DHX57: variants seen among roughly 807,000 people sequenced by gnomAD.
DHX57 encodes putative ATP-dependent RNA helicase DHX57.
In DHX57, 105 loss-of-function variants were observed where a neutral mutation model predicts 156.2. The ratio of observed to expected loss-of-function variants is 0.67; its 90% CI spans 0.57 to 0.79. DHX57 has a LOEUF of 0.79. Ranked by LOEUF, DHX57 falls within the 30% of genes least tolerant of loss-of-function variation. DHX57 has a pLI of 0.00. For synonymous variants in DHX57, 704 were observed against 595.6 expected (o/e 1.18, Z -2.65); for missense variants, 1,847 against 1,661.9 (o/e 1.11, Z -1.94).
intron 2 of DHX57, among the ~76,000 whole-genome samples, chr2:38,866,745 AT>A (rs1665093147): frequency 6.6e-6 from 1 of 152,182 alleles, no homozygotes; most frequent in African/African-American, 2.4e-5. Context: ...TTGAAAAACT[AT>A]GGAGCTGCAG....
At position 38,839,788 on chromosome 2, in the gene DHX57, G is replaced by T. The variant is rs376793761; in HGVS notation, c.2426-1841C>A. On this transcript the variant is annotated intron_variant, in intron 12 of 23. Coordinates refer to ENST00000457308, the MANE Select transcript of DHX57 (RefSeq NM_198963.3). ...AATGAATACCATGTTGGTCAAAAAT[G>T]AAAAAAAGGAAGCAACAGGCTGCAC... is the stretch of plus-strand genomic sequence containing the variant. Among the ~76,000 whole-genome samples, 130 of 151,782 alleles carry T rather than the reference G, an allele frequency of 8.6e-4. 1 individual carries two copies. The South Asian group carries it at 0.026, about 31-fold the overall frequency.
At chr2:38,830,857 G>A (rs1671342696) in intron 13 of DHX57, among the ~76,000 whole-genome samples, 1 of 152,086 alleles carries the variant, frequency 6.6e-6, no homozygotes, top group South Asian at 2.1e-4. Flanking sequence ...ACTTTGAGAG[G>A]CTGAAGTGGG....
At chr2:38,834,951 T>A (rs1671576989) in intron 13 of DHX57, among the ~76,000 whole-genome samples, 1 of 152,106 alleles carries the variant, frequency 6.6e-6, no homozygotes, top group Non-Finnish European at 1.5e-5. Context: ...CCTGTATGAG[T>A]CAAGAAAAAG....
chr2:38,866,443 G>A (rs972509304), intron 2 of DHX57, among the ~76,000 whole-genome samples: 3 of 152,074 alleles, frequency 2.0e-5, no homozygotes, highest in Non-Finnish European at 4.4e-5. Flanking sequence ...CTCTCTTCAC[G>A]TGATACCTTA....
chr2:38,828,722 CA>C (rs775943686), intron 13 of DHX57, among the ~76,000 whole-genome samples: 3,439 of 99,996 alleles, frequency 0.034, 40 homozygotes, highest in Non-Finnish European at 0.043. Flanking sequence ...GACCCTTTCT[CA>C]AAAAAAAAAA....
chr2:38,803,194 T>G (rs967287915), intron 22 of DHX57, among the ~76,000 whole-genome samples: 2 of 152,050 alleles, frequency 1.3e-5, no homozygotes, highest in Non-Finnish European at 2.9e-5. Flanking sequence ...CCCAGGCTGG[T>G]CTCGAACTCC....
chr2:38,826,533 C>T lies in DHX57; in HGVS notation c.2796G>A (p.Gly932=), dbSNP rs150129520. The change falls in exon 15 of 24, where the codon GGG becomes GGA. Residue 932 remains glycine, a synonymous_variant. Coordinates refer to ENST00000457308, the MANE Select transcript of DHX57 (RefSeq NM_198963.3). The part of the protein sequence containing the change: ...IDDVVYVIDS[G]KMKEKRYDAS... ...CGGAATACCTCTTTTCTTTCATTTT[C>T]CCAGAATCGATAACATAGACAACAT... The T allele has an allele frequency of 1.9e-5, 30 of 1,613,708 alleles. No homozygotes were observed. The South Asian group carries it at 2.5e-4, about 14-fold the overall frequency.
In DHX57 at chr2:38,834,732, G is replaced by A. The variant is rs562547871; in HGVS notation, c.2542+3099C>T. 3.3e-5 allele frequency among the ~76,000 whole-genome samples: 5 copies of A among 152,230 alleles called. No individual in the cohort carries two copies. In the East Asian group the frequency reaches 5.8e-4, roughly 18 times the overall value. On this transcript the variant is annotated intron_variant, in intron 13 of 23. Coordinates refer to ENST00000457308, the MANE Select transcript of DHX57 (RefSeq NM_198963.3). ...AAAGGTGAATTGCTCAATATGTTCC[G>A]CAGATGGAGGTCTATAACCGTGGTT...
rs1456605244 is a variant in DHX57 at position 38,862,148 on chromosome 2, G to A, written c.569C>T (p.Ser190Phe). 6.3e-7 allele frequency: 1 copy of A among 1,590,582 alleles called. No homozygotes were observed. The highest frequency in any genetic ancestry group is 1.8e-5 in the Admixed American group (1 of 56,314). The stretch of plus-strand genomic sequence containing the variant: ...CATAAATGATCAAAGCAATCACCTG[G>A]AAAGTTTTTGCACTGCAAATGGGGA... Reference protein sequence around the residue: ...TVSPFAVQKLSRYGFNTERCQ... With the variant: ...TVSPFAVQKLFRYGFNTERCQ... The change falls in exon 4 of 24, where the codon TCC becomes TTC. Residue 190 changes from serine to phenylalanine, a missense_variant. Transcript: ENST00000457308.
At chr2:38,840,017 G>A (rs927077948) in intron 12 of DHX57, among the ~76,000 whole-genome samples, 1 of 152,116 alleles carries the variant, frequency 6.6e-6, no homozygotes, top group African/African-American at 2.4e-5. Flanking sequence ...CGTGATCATG[G>A]CTTACTGCAG....
intron 1 of DHX57, among the ~76,000 whole-genome samples, chr2:38,870,858 G>A (rs1312528845): frequency 2.6e-5 from 4 of 151,030 alleles, no homozygotes; most frequent in Non-Finnish European, 1.5e-5. Context: ...CAGCCTGGGT[G>A]ACAGAGTGAG....
rs1375276377 is a variant in DHX57, at chr2:38,856,863, G to T, written c.1588-402C>A. On this transcript the variant is annotated intron_variant, in intron 6 of 23. Transcript: ENST00000457308. The stretch of plus-strand genomic sequence containing the variant: ...CACTCCTGGCCTTGAGTGATCCTTT[G>T]TTGGATTTGTTGGGATTGGATGTAG... 61 of 153,888 alleles carry T rather than the reference G, an allele frequency of 4.0e-4. 1 individual carries two copies. The highest frequency in any genetic ancestry group is 3.9e-3 in the Admixed American group (61 of 15,544). The allele number at this position is 153,888 out of a possible 1,614,324, so 9.5% of individuals were successfully genotyped here.
chr2:38,812,340 G>C (rs1444593352), intron 21 of DHX57, among the ~76,000 whole-genome samples: 1 of 152,176 alleles, frequency 6.6e-6, no homozygotes, highest in Non-Finnish European at 1.5e-5. Context: ...AAATCAGTCA[G>C]ATGTTAACTG....
chr2:38,874,383 G>T (rs1023275033), intron 1 of DHX57, among the ~76,000 whole-genome samples: 10 of 148,692 alleles, frequency 6.7e-5, no homozygotes, highest in African/African-American at 2.5e-4. Context: ...GAGCCACTGT[G>T]CCTAGTTGAA....
At chr2:38,802,974 C>A (rs1447265174) in intron 22 of DHX57, 59 bp from the exon 23 acceptor site, 5 of 1,579,170 alleles carry the variant, frequency 3.2e-6, no homozygotes, top group Non-Finnish European at 4.3e-6. Context: ...AAGGGAACAA[C>A]CCCCCAGTCC....
At chr2:38,821,003 A>G (rs1398614231) in intron 17 of DHX57, among the ~76,000 whole-genome samples, 1 of 152,126 alleles carries the variant, frequency 6.6e-6, no homozygotes, top group Non-Finnish European at 1.5e-5. Flanking sequence ...AATACATTTT[A>G]AAGAGGATTG....
chr2:38,862,166 A>G lies in DHX57; in HGVS notation c.551T>C (p.Phe184Ser). Reference protein sequence around the residue: ...PYVPEFTVSPFAVQKLSRYGF... With the variant: ...PYVPEFTVSPSAVQKLSRYGF... Reference sequence around the variant, plus strand: ...TCACCTGGAAAGTTTTTGCACTGCAAATGGGGAGACTGTAAATTCTGGAAC... The same window carrying G: ...TCACCTGGAAAGTTTTTGCACTGCAGATGGGGAGACTGTAAATTCTGGAAC... Residue 184 changes from phenylalanine to serine, a missense_variant, in exon 4 of 24, where the codon TTT (phenylalanine) becomes TCT (serine). Transcript: ENST00000457308. 2 of 1,605,620 alleles carry G rather than the reference A, an allele frequency of 1.2e-6. No individual in the cohort carries two copies. The highest frequency in any genetic ancestry group is 1.7e-6 in the Non-Finnish European group (2 of 1,175,784).
At position 38,828,411 on chromosome 2, in the gene DHX57, T is replaced by C; in HGVS notation, c.2568A>G (p.Gly856=). ...CATAAAGCATTTTGATTTCTGCTAG[T>C]CCTGGTAAAAATACAAGTATAGCAC... ...PPGAILVFLP[G]LAEIKMLYEQ... is the part of the protein sequence containing the mutation. Residue 856 remains glycine (G), a synonymous_variant, in exon 14 of 24, where the codon GGA becomes GGG. Coordinates refer to ENST00000457308, the MANE Select transcript of DHX57 (RefSeq NM_198963.3). The C allele has an allele frequency of 1.9e-6, 3 of 1,613,412 alleles. No individual in the cohort carries two copies. The highest frequency in any genetic ancestry group is 2.5e-6 in the Non-Finnish European group (3 of 1,179,678).
intron 19 of DHX57, chr2:38,816,248 TCTGTCATCCAGG>T: frequency 2.1e-6 from 1 of 465,826 alleles, no homozygotes; most frequent in Non-Finnish European, 4.4e-6. Context: ...AGAGTCTTGC[TCTGTCATCCAGG>T]CTGGAGTGCA....
Sources: gnomAD v4.1 joint callset for allele counts (sites outside exome capture counted in the v4.1 genomes callset) on GRCh38, gnomAD v4.1.1 for gene constraint, MANE v1.5 for transcripts, NCBI Gene and HGNC (gene_info 2026-07-23, HGNC 2026-07-21) for gene names.